RAD51B: variants seen among roughly 807,000 people sequenced by gnomAD.
The protein encoded by RAD51B is RAD51 paralog B, also known as DNA repair protein RAD51 homolog 2.
A neutral mutation model predicts 42.2 loss-of-function variants in RAD51B; 38 were observed. The ratio of observed to expected loss-of-function variants is 0.90; its 90% CI spans 0.70 to 1.18. The LOEUF (loss-of-function observed/expected upper bound fraction) is 1.18, where lower values mean the gene tolerates loss of function less well. RAD51B is among the 50% of genes most tolerant of loss of function. RAD51B has a pLI of 0.00. For synonymous variants in RAD51B, 154 were observed against 145.2 expected (o/e 1.06, Z -0.43); for missense variants, 373 against 400.7 (o/e 0.93, Z 0.59).
rs201879748 is a variant in RAD51B, at chr14:68,477,874, G to A, written c.*210G>A. 101 of 1,402,774 alleles carry A rather than the reference G, an allele frequency of 7.2e-5. 1 individual carries two copies. The East Asian group carries it at 2.5e-3, about 35-fold the overall frequency. 86.9% of individuals were successfully genotyped at this position (1,402,774 alleles called of 1,614,324 possible). On this transcript the variant is annotated 3_prime_UTR_variant, in exon 11 of 11. Transcript: ENST00000471583. ...TGAAGATGAAGAAGCCTTTGTTCAG[G>A]TCTCTAGATGTGTAGGGCTGAGGGC...
intron 7 of RAD51B, among the ~76,000 whole-genome samples, chr14:68,173,858 A>T (rs2078917376): frequency 6.6e-6 from 1 of 152,302 alleles, no homozygotes; most frequent in Non-Finnish European, 1.5e-5. Context: ...AACTACTCCT[A>T]TGTAGGTCAT....
intron 8 of RAD51B, among the ~76,000 whole-genome samples, chr14:68,405,663 A>G (rs572151223): frequency 6.6e-6 from 1 of 152,178 alleles, no homozygotes; most frequent in African/African-American, 2.4e-5. Context: ...ACTTGGGTTT[A>G]CCTGTCCAGA....
intron 7 of RAD51B, among the ~76,000 whole-genome samples, chr14:67,894,884 C>T (rs985863377): frequency 6.6e-5 from 10 of 152,278 alleles, no homozygotes; most frequent in Admixed American, 2.6e-4. Flanking sequence ...TAGTGATCCT[C>T]CTGCCTCAAC....
intron 7 of RAD51B, among the ~76,000 whole-genome samples, chr14:68,156,151 A>G (rs1317722603): frequency 6.6e-6 from 1 of 152,174 alleles, no homozygotes; most frequent in East Asian, 1.9e-4. Flanking sequence ...GGTTCCAGGG[A>G]GAGAGAATAC....
chr14:68,473,780 T>C (rs1269241118), intron 10 of RAD51B, among the ~76,000 whole-genome samples: 1 of 152,188 alleles, frequency 6.6e-6, no homozygotes, highest in Non-Finnish European at 1.5e-5. Context: ...TCCTGGTCCA[T>C]TCCCTCCTTA....
intron 7 of RAD51B, among the ~76,000 whole-genome samples, chr14:68,241,651 T>C (rs1337625586): frequency 6.6e-6 from 1 of 152,182 alleles, no homozygotes; most frequent in Non-Finnish European, 1.5e-5. Context: ...AATTTAAAAT[T>C]TTTTAGTTCT....
intron 10 of RAD51B, among the ~76,000 whole-genome samples, chr14:68,471,616 T>C (rs1226505044): frequency 6.6e-6 from 1 of 151,284 alleles, no homozygotes; most frequent in Middle Eastern, 3.4e-3. Context: ...TTTCTCAGGC[T>C]GCTTTTTGAA....
At chr14:68,158,116 C>A (rs1274566355) in intron 7 of RAD51B, among the ~76,000 whole-genome samples, 1 of 152,194 alleles carries the variant, frequency 6.6e-6, no homozygotes, top group Non-Finnish European at 1.5e-5. Flanking sequence ...CTTCACACAG[C>A]CTTTTTTTTT....
chr14:68,055,046 A>G (rs1481018678), intron 7 of RAD51B, among the ~76,000 whole-genome samples: 1 of 152,138 alleles, frequency 6.6e-6, no homozygotes, highest in African/African-American at 2.4e-5. Flanking sequence ...CAGAAGAAAA[A>G]CAGTTTGTGT....
Position 67,900,189 on chromosome 14 carries a change from A to G in RAD51B, c.756+12985A>G, listed in dbSNP as rs1201853523. 2.0e-5 allele frequency among the ~76,000 whole-genome samples: 3 copies of G among 152,182 alleles called. No homozygotes were observed. The East Asian group carries it at 5.8e-4, about 29-fold the overall frequency. On this transcript the variant is annotated intron_variant, in intron 7 of 10. Coordinates refer to ENST00000471583, the MANE Select transcript of RAD51B (RefSeq NM_133510.4). The stretch of plus-strand genomic sequence containing the variant: ...TATTTGCAGCTTTGATTGCTTTTTC[A>G]CAAACATGCAAATCACACATGTAAT...
Position 68,324,901 on chromosome 14 carries a change from A to G in RAD51B, c.853+32921A>G, listed in dbSNP as rs1183226833. Among the ~76,000 whole-genome samples the G allele has an allele frequency of 2.6e-5, 4 of 152,306 alleles. No homozygotes were observed. The East Asian group carries it at 5.8e-4, about 22-fold the overall frequency. ...AATGCAAATGAGGCTTTACCCGGCTATCCCCTCCCCTAGCATTTATGCATT... is the reference window on the plus strand; with the variant it reads ...AATGCAAATGAGGCTTTACCCGGCTGTCCCCTCCCCTAGCATTTATGCATT... On this transcript the variant is annotated intron_variant, in intron 8 of 10. Coordinates refer to ENST00000471583, the MANE Select transcript of RAD51B (RefSeq NM_133510.4).
intron 3 of RAD51B, among the ~76,000 whole-genome samples, chr14:67,829,677 A>G (rs1441073993): frequency 6.6e-6 from 1 of 151,920 alleles, no homozygotes; most frequent in Non-Finnish European, 1.5e-5. Flanking sequence ...TTATTCAGTC[A>G]TTTATTCTTT....
At chr14:68,441,683 A>C (rs1349162253) in intron 9 of RAD51B, among the ~76,000 whole-genome samples, 1 of 152,132 alleles carries the variant, frequency 6.6e-6, no homozygotes. Flanking sequence ...GTAAAATTCT[A>C]GCTCTGTTTC....
chr14:68,442,489 G>A (rs565315470), intron 9 of RAD51B, among the ~76,000 whole-genome samples: 145 of 127,788 alleles, frequency 1.1e-3, no homozygotes, highest in African/African-American at 4.4e-3. Flanking sequence ...TTGCTAGGCT[G>A]GAGAGCAGTG....
intron 5 of RAD51B, among the ~76,000 whole-genome samples, chr14:67,874,736 A>G (rs946963153): frequency 6.6e-6 from 1 of 152,046 alleles, no homozygotes; most frequent in Non-Finnish European, 1.5e-5. Context: ...ATATGCTTGT[A>G]TATACCTTGA....
At chr14:68,306,783 CT>C (rs1333179762) in intron 8 of RAD51B, 2 of 357,770 alleles carry the variant, frequency 5.6e-6, no homozygotes, top group African/African-American at 4.1e-5. Context: ...TGGGAAAGAC[CT>C]GGTAGAGAAA....
chr14:68,139,373 C>A (rs2078078332), intron 7 of RAD51B, among the ~76,000 whole-genome samples: 1 of 151,698 alleles, frequency 6.6e-6, no homozygotes, highest in Admixed American at 6.6e-5. Context: ...ATAAATCATT[C>A]TTTTATCAAA....
At chr14:68,080,837 C>T (rs2076901984) in intron 7 of RAD51B, among the ~76,000 whole-genome samples, 1 of 152,194 alleles carries the variant, frequency 6.6e-6, no homozygotes, top group Non-Finnish European at 1.5e-5. Flanking sequence ...TCTTCATCAG[C>T]TCCAAATAAA....
At chr14:68,594,810 G>C in exon 11 of RAD51B, 2 of 1,231,826 alleles carry the variant, frequency 1.6e-6, no homozygotes, top group Non-Finnish European at 1.0e-6. Flanking sequence ...GGGGGCAATG[G>C]AGTGACAGGT....
Sources: gnomAD v4.1 joint callset for allele counts (sites outside exome capture counted in the v4.1 genomes callset) on GRCh38, gnomAD v4.1.1 for gene constraint, MANE v1.5 for transcripts, NCBI Gene and HGNC (gene_info 2026-07-23, HGNC 2026-07-21) for gene names.